Variants in RAPGEF4 observed in about 807,000 individuals in gnomAD.
RAPGEF4 encodes Rap guanine nucleotide exchange factor 4, also known as RAP guanine-nucleotide-exchange factor (GEF) 4.
A neutral mutation model predicts 147.9 loss-of-function variants in RAPGEF4; 66 were observed. The observed-to-expected ratio is 0.45, with a 90% CI of 0.37 to 0.55. The LOEUF (loss-of-function observed/expected upper bound fraction) is 0.55, where lower values mean the gene tolerates loss of function less well. Ranked by LOEUF, RAPGEF4 falls within the 20% of genes least tolerant of loss-of-function variation. The probability of loss-of-function intolerance (pLI) is 0.00; values close to 1 mark genes in which losing one functional copy is unlikely to be tolerated. For missense variants in RAPGEF4, 1,071 were observed against 1,257.3 expected (o/e 0.85, Z 2.24); for synonymous variants, 419 against 442.7 (o/e 0.95, Z 0.67).
chr2:172,897,755 T>TTTTATTTTA (rs1698651319), intron 4 of RAPGEF4, among the ~76,000 whole-genome samples: 1 of 150,940 alleles, frequency 6.6e-6, no homozygotes, highest in South Asian at 2.1e-4. Flanking sequence ...TTTTATTTTA[T>TTTTATTTTA]TTTATTTTAT....
chr2:172,821,812 T>A, intron 4 of RAPGEF4: 12 of 1,206,946 alleles, frequency 9.9e-6, no homozygotes, highest in East Asian at 5.1e-5. Flanking sequence ...TGGAGAACCA[T>A]CAGCACCAGT....
At chr2:173,019,713 G>A (rs1432372774) in intron 22 of RAPGEF4, among the ~76,000 whole-genome samples, 1 of 152,186 alleles carries the variant, frequency 6.6e-6, no homozygotes, top group South Asian at 2.1e-4. Flanking sequence ...GGCCCAGGAT[G>A]TCTGCCCTCC....
At chr2:172,774,354 A>C (rs537814022) in intron 1 of RAPGEF4, among the ~76,000 whole-genome samples, 4 of 152,284 alleles carry the variant, frequency 2.6e-5, no homozygotes, top group African/African-American at 7.2e-5. Context: ...TCTGTGCCTG[A>C]CTGGCTGGCA....
intron 30 of RAPGEF4, among the ~76,000 whole-genome samples, chr2:173,050,338 C>T (rs1008546933): frequency 4.6e-5 from 7 of 152,214 alleles, no homozygotes; most frequent in East Asian, 3.8e-4. Flanking sequence ...CTCTGCAGTT[C>T]GCTGTGGTAT....
chr2:172,842,799 A>T (rs1175815810), intron 4 of RAPGEF4, among the ~76,000 whole-genome samples: 1 of 152,238 alleles, frequency 6.6e-6, no homozygotes, highest in Non-Finnish European at 1.5e-5. Context: ...GAGGGAACAT[A>T]GGCCTTGCTT....
At chr2:172,738,045 T>G (rs1303261083) in intron 1 of RAPGEF4, among the ~76,000 whole-genome samples, 1 of 152,260 alleles carries the variant, frequency 6.6e-6, no homozygotes, top group Admixed American at 6.5e-5. Flanking sequence ...TCTCATTGTA[T>G]GAAGGCCATG....
chr2:172,983,564 C>T lies in RAPGEF4; in HGVS notation c.1073C>T (p.Ser358Phe). 5 of 1,613,514 alleles carry T rather than the reference C, an allele frequency of 3.1e-6. No homozygotes were observed. The highest frequency in any genetic ancestry group is 4.2e-6 in the Non-Finnish European group (5 of 1,179,868). ...GAGCTTCTTCATATTAAAGCCTTAT[C>T]CCATCTTTCTACCACAGTAAGTTGT... Reference protein sequence around the residue: ...YEELLHIKALSHLSTTVKREL... With the variant: ...YEELLHIKALFHLSTTVKREL... Residue 358 changes from serine to phenylalanine, a missense_variant, in exon 11 of 31, where the codon TCC becomes TTC. Ser to Phe is a radical substitution (Grantham distance 155). Coordinates refer to ENST00000397081, the MANE Select transcript of RAPGEF4 (RefSeq NM_007023.4).
At position 172,787,293 on chromosome 2, in the gene RAPGEF4, A is replaced by G. The variant is rs67642559; in HGVS notation, c.66-7732A>G. 9.8e-3 allele frequency among the ~76,000 whole-genome samples: 1,495 copies of G among 152,298 alleles called. 13 individuals carry two copies. Among genetic ancestry groups the G allele is most frequent in the Non-Finnish European group, 0.015 (989 of 68,020 alleles). On this transcript the variant is annotated intron_variant, in intron 1 of 30. Coordinates refer to ENST00000397081, the MANE Select transcript of RAPGEF4 (RefSeq NM_007023.4). ...TTCTAATAAAATGGTCTTTTTTGATACTGCTAATAGACATTATTACCATTA... is the reference window on the plus strand; with the variant it reads ...TTCTAATAAAATGGTCTTTTTTGATGCTGCTAATAGACATTATTACCATTA...
At chr2:172,993,165 T>C (rs1394323481) in intron 15 of RAPGEF4, among the ~76,000 whole-genome samples, 19 of 152,166 alleles carry the variant, frequency 1.2e-4, no homozygotes, top group Admixed American at 1.2e-3. Context: ...ACCTCCTGAC[T>C]CTACCTAAGC....
chr2:172,950,211 T>C (rs533016164), intron 6 of RAPGEF4, among the ~76,000 whole-genome samples: 108 of 152,278 alleles, frequency 7.1e-4, no homozygotes, highest in South Asian at 2.1e-3. Context: ...TCTGCCATCC[T>C]TTACAGAATC....
rs745564211 is a variant in RAPGEF4, at chr2:172,814,386, G to A, written c.405G>A (p.Leu135=). Residue 135 remains leucine (L), a synonymous_variant, in exon 4 of 31, where the codon CTG becomes CTA. Transcript: ENST00000397081. ...TCGTTACCAGGGAGAGCAGTGAACT[G>A]CTCCGCATCGAGCAGAAGGACTTCA... is the stretch of plus-strand genomic sequence containing the variant. ...ATIVTRESSE[L]LRIEQKDFKA... 3.7e-6 allele frequency: 6 copies of A among 1,614,182 alleles called. No homozygotes were observed. The South Asian group carries it at 6.6e-5, about 18-fold the overall frequency.
At chr2:173,024,707 T>G (rs1696494711) in intron 23 of RAPGEF4, among the ~76,000 whole-genome samples, 2 of 152,250 alleles carry the variant, frequency 1.3e-5, no homozygotes, top group Admixed American at 1.3e-4. Context: ...AATCCAAGTC[T>G]ACACAGTTAG....
At chr2:172,848,274 G>A (rs763098343) in intron 4 of RAPGEF4, among the ~76,000 whole-genome samples, 40 of 152,192 alleles carry the variant, frequency 2.6e-4, no homozygotes, top group Admixed American at 8.5e-4. Context: ...TGAATCAAAA[G>A]TCAAGGTATA....
At chr2:172,823,689 G>A (rs1381238311) in intron 4 of RAPGEF4, among the ~76,000 whole-genome samples, 1 of 152,212 alleles carries the variant, frequency 6.6e-6, no homozygotes, top group African/African-American at 2.4e-5. Context: ...GGATGAAGCA[G>A]CAGAAATCCT....
At chr2:173,007,364 C>T (rs1055363280) in intron 17 of RAPGEF4, among the ~76,000 whole-genome samples, 9 of 152,128 alleles carry the variant, frequency 5.9e-5, no homozygotes, top group African/African-American at 1.2e-4. Flanking sequence ...GTACAGAAGG[C>T]GCTCCTATGA....
intron 4 of RAPGEF4, among the ~76,000 whole-genome samples, chr2:172,902,770 A>G (rs1699209841): frequency 6.6e-6 from 1 of 152,210 alleles, no homozygotes; most frequent in South Asian, 2.1e-4. Flanking sequence ...CTGCAGAGAA[A>G]ACAGAGTTGA....
chr2:172,865,384 G>T (rs1694522181), intron 4 of RAPGEF4, among the ~76,000 whole-genome samples: 1 of 152,164 alleles, frequency 6.6e-6, no homozygotes, highest in Admixed American at 6.5e-5. Context: ...CAACTGCCTT[G>T]TGGACAGTTC....
At chr2:172,818,538 G>C (rs1688736099) in intron 4 of RAPGEF4, among the ~76,000 whole-genome samples, 1 of 152,096 alleles carries the variant, frequency 6.6e-6, no homozygotes, top group African/African-American at 2.4e-5. Flanking sequence ...TCTCATTTGA[G>C]TGTTTACTTT....
rs918572580 is a variant in RAPGEF4 at position 173,014,703 on chromosome 2, C to T, written c.1809+89C>T. On this transcript the variant is annotated intron_variant, in intron 18 of 30. Coordinates refer to ENST00000397081, the MANE Select transcript of RAPGEF4 (RefSeq NM_007023.4). Reference sequence around the variant, plus strand: ...GGCTCAGCAGCTTCCCTGGAGAGACCGTAATTGCAAATGCTAGACTTTGTG... The same window carrying T: ...GGCTCAGCAGCTTCCCTGGAGAGACTGTAATTGCAAATGCTAGACTTTGTG... 8.1e-6 allele frequency: 10 copies of T among 1,234,530 alleles called. No homozygotes were observed. The Admixed American group carries it at 1.3e-4, about 16-fold the overall frequency. The allele number at this position is 1,234,530 out of a possible 1,614,324, so 76.5% of individuals were successfully genotyped here.
Sources: gnomAD v4.1 joint callset for allele counts (sites outside exome capture counted in the v4.1 genomes callset) on GRCh38, gnomAD v4.1.1 for gene constraint, MANE v1.5 for transcripts, NCBI Gene and HGNC (gene_info 2026-07-23, HGNC 2026-07-21) for gene names.